The following KDM7A variants were observed in gnomAD, a reference collection of about 807,000 sequenced individuals.
KDM7A encodes lysine demethylase 7A.
A neutral mutation model predicts 114.8 loss-of-function variants in KDM7A; 28 were observed. The observed-to-expected ratio is 0.24, with a 90% confidence interval of 0.18 to 0.33. The LOEUF (loss-of-function observed/expected upper bound fraction) is 0.33. KDM7A is among the 10% of genes least tolerant of loss of function. The probability of loss-of-function intolerance (pLI) is 1.00; values close to 1 mark genes in which losing one functional copy is unlikely to be tolerated. For synonymous variants in KDM7A, 423 were observed against 397.8 expected (o/e 1.06, Z -0.75); for missense variants, 942 against 1,142.5 (o/e 0.82, Z 2.53).
intron 1 of KDM7A, among the ~76,000 whole-genome samples, chr7:140,175,828 C>CCG (rs1554402706): frequency 6.6e-6 from 1 of 152,004 alleles, no homozygotes; most frequent in Admixed American, 6.6e-5. Flanking sequence ...CACCGGCGCC[C>CCG]GGGCACAGCC....
chr7:140,099,966 T>A lies in KDM7A; in HGVS notation c.1696A>T (p.Thr566Ser). The change falls in exon 13 of 20, where the codon ACA becomes TCA. Residue 566 changes from threonine (T) to serine (S), a missense_variant. Around this residue, in one of 4 missense-constraint regions of KDM7A, gnomAD observed 512 missense variants for 576.6 expected, o/e 0.89. Transcript: ENST00000397560. ...KFNKHLQPSSTVPEWRAKDND... is the reference protein window; with the variant it reads ...KFNKHLQPSSSVPEWRAKDND... ...TCTTTCGCTCTCCATTCAGGTACTG[T>A]GGAGGATGGTTGGAGATGTTTGTTG... The A allele has an allele frequency of 6.2e-7, 1 of 1,613,134 alleles. No individual in the cohort carries two copies. The highest frequency in any genetic ancestry group is 1.7e-5 in the Admixed American group (1 of 60,036).
chr7:140,170,108 T>C (rs1562962397), intron 1 of KDM7A, among the ~76,000 whole-genome samples: 1 of 152,268 alleles, frequency 6.6e-6, no homozygotes, highest in Non-Finnish European at 1.5e-5. Flanking sequence ...GAAATGTATA[T>C]TAAACAAATT....
intron 11 of KDM7A, among the ~76,000 whole-genome samples, chr7:140,108,002 C>G (rs889235029): frequency 6.6e-6 from 1 of 152,154 alleles, no homozygotes; most frequent in Non-Finnish European, 1.5e-5. Flanking sequence ...AACTTCTCTT[C>G]TTGCTTCATT....
In KDM7A at chr7:140,090,231, CTATT is replaced by C. The variant is rs760537396; in HGVS notation, c.*859_*862del. The C allele has an allele frequency of 1.3e-5, 2 of 152,096 alleles. No individual in the cohort carries two copies. The highest frequency in any genetic ancestry group is 2.9e-5 in the Non-Finnish European group (2 of 68,026). The allele number at this position is 152,096 out of a possible 1,614,324, so 9.4% of individuals were successfully genotyped here. On this transcript the variant is annotated 3_prime_UTR_variant, in exon 20 of 20. Coordinates refer to ENST00000397560, the MANE Select transcript of KDM7A (RefSeq NM_030647.2). The stretch of plus-strand genomic sequence containing the variant: ...TCAGCAGAAATGAAAATGCAAAAGC[CTATT>C]TTTTTTAATGTTGAGAAGAAAATCA...
chr7:140,139,772 T>G (rs894372626), intron 1 of KDM7A, among the ~76,000 whole-genome samples: 1 of 152,176 alleles, frequency 6.6e-6, no homozygotes, highest in Admixed American at 6.5e-5. Context: ...AAAAATTGAT[T>G]CTTTGAAAAG....
chr7:140,142,613 C>A (rs1036744814), intron 1 of KDM7A, among the ~76,000 whole-genome samples: 5 of 152,090 alleles, frequency 3.3e-5, no homozygotes, highest in East Asian at 1.9e-4. Context: ...CCTGATGATA[C>A]CATGTGTTGA....
intron 1 of KDM7A, among the ~76,000 whole-genome samples, chr7:140,157,770 CCTGGCCAACACGGCGAAA>C (rs1427917652): frequency 6.6e-6 from 1 of 151,642 alleles, no homozygotes; most frequent in Admixed American, 6.6e-5. Flanking sequence ...TCCAGACCAG[CCTGGCCAACACGGCGAAA>C]CTGTCTCTAC....
chr7:140,138,798 T>A (rs879298331), intron 2 of KDM7A, among the ~76,000 whole-genome samples: 1 of 152,204 alleles, frequency 6.6e-6, no homozygotes, highest in Non-Finnish European at 1.5e-5. Context: ...ACAAGTGAAA[T>A]CAGTTTCCAG....
chr7:140,142,075 A>C (rs529496385), intron 1 of KDM7A, among the ~76,000 whole-genome samples: 50 of 148,126 alleles, frequency 3.4e-4, no homozygotes, highest in African/African-American at 1.1e-3. Flanking sequence ...AGATATTTAT[A>C]TATCTTTTTA....
chr7:140,113,890 C>G (rs1176381048), intron 9 of KDM7A, among the ~76,000 whole-genome samples: 1 of 152,184 alleles, frequency 6.6e-6, no homozygotes, highest in African/African-American at 2.4e-5. Context: ...AAGCAGTCCT[C>G]CAGCCCTGGC....
chr7:140,152,453 A>G (rs77775691), intron 1 of KDM7A, among the ~76,000 whole-genome samples: 8,892 of 151,986 alleles, frequency 0.059, 332 homozygotes, highest in East Asian at 0.13. Context: ...GGCAAAACCC[A>G]ACTCTACTAA....
chr7:140,102,106 A>G lies in KDM7A; in HGVS notation c.1483T>C (p.Ser495Pro), dbSNP rs1313656122. ...GAAGTTGCTTCATTTGAGGATCGTG[A>G]AACTGGACACACAATAGGAATTCCC... ...SQGIPIVCPV[S>P]RSSNEATSPY... The change falls in exon 12 of 20, where the codon TCA becomes CCA. Residue 495 changes from serine (S) to proline (P), a missense_variant. By Grantham distance (74) the Ser-to-Pro change is moderately conservative (BLOSUM62 -1). Around this residue, in one of 4 missense-constraint regions of KDM7A, gnomAD observed 512 missense variants for 576.6 expected, o/e 0.89. Coordinates refer to ENST00000397560, the MANE Select transcript of KDM7A (RefSeq NM_030647.2). The G allele has an allele frequency of 1.2e-6, 2 of 1,614,124 alleles. No homozygotes were observed. Among genetic ancestry groups the G allele is most frequent in the Non-Finnish European group, 1.7e-6 (2 of 1,179,982 alleles).
At chr7:140,117,450 G>A (rs145032438) in intron 9 of KDM7A, among the ~76,000 whole-genome samples, 7 of 149,216 alleles carry the variant, frequency 4.7e-5, no homozygotes, top group African/African-American at 1.7e-4. Context: ...AAACCACTGT[G>A]CATCACCCCA....
At chr7:140,117,033 G>C (rs1468462522) in intron 9 of KDM7A, among the ~76,000 whole-genome samples, 1 of 152,190 alleles carries the variant, frequency 6.6e-6, no homozygotes, top group African/African-American at 2.4e-5. Context: ...ATAATTTGGG[G>C]TCACAAGACC....
chr7:140,107,605 T>C (rs1818359948), intron 11 of KDM7A, among the ~76,000 whole-genome samples: 1 of 152,230 alleles, frequency 6.6e-6, no homozygotes, highest in Admixed American at 6.5e-5. Context: ...TGGCCCCCAC[T>C]CTCTTCTGGC....
At chr7:140,152,870 C>G (rs1562958782) in intron 1 of KDM7A, among the ~76,000 whole-genome samples, 1 of 151,444 alleles carries the variant, frequency 6.6e-6, no homozygotes, top group East Asian at 2.0e-4. Context: ...TTTGTAATTC[C>G]TTTTTTTTGA....
Position 140,102,045 on chromosome 7 carries a change from C to T in KDM7A, c.1544G>A (p.Arg515Gln), listed in dbSNP as rs371665912. The change falls in exon 12 of 20, where the codon CGA (arginine) becomes CAA (glutamine). Residue 515 changes from arginine to glutamine, a missense_variant. Coordinates refer to ENST00000397560, the MANE Select transcript of KDM7A (RefSeq NM_030647.2). ...YHSRRKMRKLRDHNVRTPSNL... is the reference protein window; with the variant it reads ...YHSRRKMRKLQDHNVRTPSNL... ...AGAAGGAGTTCGGACATTATGATCTCGAAGTTTCCTCATCTTTCTTCGGGA... is the reference window on the plus strand; with the variant it reads ...AGAAGGAGTTCGGACATTATGATCTTGAAGTTTCCTCATCTTTCTTCGGGA... 11 of 1,613,832 alleles carry T rather than the reference C, an allele frequency of 6.8e-6. No homozygotes were observed. Among genetic ancestry groups the T allele is most frequent in the South Asian group, 1.1e-5 (1 of 91,080 alleles).
At chr7:140,113,606 G>GAA in intron 9 of KDM7A, 24 bp from the exon 10 acceptor site, 4 of 1,256,276 alleles carry the variant, frequency 3.2e-6, no homozygotes, top group Admixed American at 2.0e-5. Context: ...AATGGGGTGA[G>GAA]AAAAAAAAAT....
intron 10 of KDM7A, among the ~76,000 whole-genome samples, chr7:140,111,861 C>G (rs1461094762): frequency 1.3e-5 from 2 of 151,636 alleles, no homozygotes; most frequent in Non-Finnish European, 2.9e-5. Flanking sequence ...AGGAGAATCA[C>G]TTGAACCCAG....
Sources: gnomAD v4.1 joint callset for allele counts (sites outside exome capture counted in the v4.1 genomes callset) on GRCh38, gnomAD v4.1.1 for gene constraint, gnomAD v4.1.1 regional missense constraint, MANE v1.5 for transcripts, NCBI Gene and HGNC (gene_info 2026-07-23, HGNC 2026-07-21) for gene names.